The following ADAT1 variants were observed in gnomAD, a reference collection of about 807,000 sequenced individuals.
ADAT1 encodes tRNA-specific adenosine deaminase 1.
Under a neutral mutation model 58.6 loss-of-function variants are expected in ADAT1, and 58 were observed. The observed-to-expected ratio is 0.99, with a 90% CI of 0.80 to 1.23. The LOEUF (loss-of-function observed/expected upper bound fraction) is 1.23, where lower values mean the gene tolerates loss of function less well. Ranked by LOEUF, ADAT1 falls within the 50% of genes most tolerant of loss-of-function variation. ADAT1 has a pLI of 0.00. For synonymous variants in ADAT1, 254 were observed against 220.8 expected (o/e 1.15, Z -1.33); for missense variants, 741 against 608.6 (o/e 1.22, Z -2.29).
chr16:75,608,311 C>G lies in ADAT1; in HGVS notation c.1202G>C (p.Ser401Thr). ...ATCCAAAGGCTGCTCAGGAACTGCA[C>G]TCCAGCTGATGGCTATGAAAAGATA... Reference protein sequence around the residue: ...LVPCGAAISWSAVPEQPLDVT... With the variant: ...LVPCGAAISWTAVPEQPLDVT... The change falls in exon 8 of 10, where the codon AGT becomes ACT. Residue 401 changes from serine (S) to threonine (T), a missense_variant. Ser to Thr is a moderately conservative substitution (Grantham distance 58, BLOSUM62 1). Coordinates refer to ENST00000564657, the MANE Select transcript of ADAT1 (RefSeq NM_001324445.2). 6.2e-7 allele frequency: 1 copy of G among 1,613,870 alleles called. No individual in the cohort carries two copies.
In ADAT1 at chr16:75,599,592, TC is replaced by T. The variant is rs1389157082; in HGVS notation, c.*623del. The T allele has an allele frequency of 6.8e-5, 67 of 985,828 alleles. No individual in the cohort carries two copies. Among genetic ancestry groups the T allele is most frequent in the Non-Finnish European group, 8.1e-5 (67 of 830,014 alleles). The allele number at this position is 985,828 out of a possible 1,614,324, so 61.1% of individuals were successfully genotyped here. A position where few individuals can be genotyped will look rare whatever the true frequency, so the allele number is the denominator to read the frequency against. ...AGTAGGAAAAGATGGCCACCGGCAG[TC>T]CCATGATTATGTGACCCTTACAGCT... On this transcript the variant is annotated 3_prime_UTR_variant, in exon 10 of 10. Coordinates refer to ENST00000564657, the MANE Select transcript of ADAT1 (RefSeq NM_001324445.2).
At chr16:75,621,087 T>A (rs2081919081) in intron 1 of ADAT1, among the ~76,000 whole-genome samples, 1 of 151,722 alleles carries the variant, frequency 6.6e-6, no homozygotes, top group Non-Finnish European at 1.5e-5. Flanking sequence ...TTCTAAGGAG[T>A]CTGCATCCTC....
rs1372824275 is a variant in ADAT1, at chr16:75,603,167, G to C, written c.1294C>G (p.Gln432Glu). The change falls in exon 9 of 10, where the codon CAA becomes GAA. Residue 432 changes from glutamine to glutamate, a missense_variant. Gln to Glu is a conservative substitution (Grantham distance 29). Coordinates refer to ENST00000564657, the MANE Select transcript of ADAT1 (RefSeq NM_001324445.2). Reference protein sequence around the residue: ...KTIGSLQARSQISKVELFRSF... With the variant: ...KTIGSLQARSEISKVELFRSF... ...CTGAAGAGTTCCACTTTGCTGATTT[G>C]GGATCTGTTTGGAAAAAGAAGGCAA... The C allele has an allele frequency of 1.2e-5, 20 of 1,613,678 alleles. No homozygotes were observed. The highest frequency in any genetic ancestry group is 1.4e-5 in the Non-Finnish European group (17 of 1,179,776).
intron 6 of ADAT1, among the ~76,000 whole-genome samples, chr16:75,611,219 AAAG>A (rs2081522245): frequency 6.6e-6 from 1 of 152,172 alleles, no homozygotes; most frequent in Non-Finnish European, 1.5e-5. Context: ...TATTAAAAAC[AAAG>A]AAGAAAAAAA....
intron 6 of ADAT1, among the ~76,000 whole-genome samples, chr16:75,611,145 A>C (rs1468483047): frequency 6.6e-6 from 1 of 152,106 alleles, no homozygotes; most frequent in Non-Finnish European, 1.5e-5. Flanking sequence ...CCCCAAACTA[A>C]TGTTTAGGGT....
rs746952309 is a variant in ADAT1, at chr16:75,620,314, T to C, written c.190A>G (p.Met64Val). ...CCTATGCATTTTGTTCCTGTTCCCA[T>C]TGACACAACTTCCTTTGTCACTGTG... ...PVQVTKEVVS[M>V]GTGTKCIGQS... The change falls in exon 3 of 10, where the codon ATG becomes GTG. Residue 64 changes from methionine to valine, a missense_variant. Coordinates refer to ENST00000564657, the MANE Select transcript of ADAT1 (RefSeq NM_001324445.2). The C allele has an allele frequency of 5.9e-5, 96 of 1,614,064 alleles. No homozygotes were observed. Among genetic ancestry groups the C allele is most frequent in the Non-Finnish European group, 7.5e-5 (89 of 1,180,006 alleles).
chr16:75,620,540 AC>A (rs2081898101), intron 2 of ADAT1, 90 bp downstream of exon 2: 2 of 1,505,008 alleles, frequency 1.3e-6, no homozygotes, highest in African/African-American at 2.7e-5. Flanking sequence ...CGTAGTTCAC[AC>A]CCTACCCACG....
chr16:75,620,070 T>C (rs540125748), intron 3 of ADAT1, among the ~76,000 whole-genome samples, 196 bp downstream of exon 3: 2 of 152,234 alleles, frequency 1.3e-5, no homozygotes, highest in African/African-American at 4.8e-5. Flanking sequence ...TCGGAAAGCA[T>C]GTTCCTAGAG....
In ADAT1 at chr16:75,620,843, C is replaced by T; in HGVS notation, c.-21-23G>A. On this transcript the variant is annotated intron_variant, in intron 1 of 9. Coordinates refer to ENST00000564657, the MANE Select transcript of ADAT1 (RefSeq NM_001324445.2). The stretch of plus-strand genomic sequence containing the variant: ...GACCTTGATCAAAAACCACAACCAT[C>T]AGAAGTACGGAAAGGAGAACCAGTG... The T allele has an allele frequency of 1.9e-6, 3 of 1,584,916 alleles. No individual in the cohort carries two copies. The South Asian group carries it at 3.4e-5, about 18-fold the overall frequency.
Position 75,600,155 on chromosome 16 carries a change from C to A in ADAT1, c.*61G>T. 6.2e-7 allele frequency: 1 copy of A among 1,601,404 alleles called. No individual in the cohort carries two copies. The highest frequency in any genetic ancestry group is 1.1e-5 in the South Asian group (1 of 89,964). On this transcript the variant is annotated 3_prime_UTR_variant, in exon 10 of 10. Transcript: ENST00000564657. ...AACTACCAAAAAAGCTAAGACTTGT[C>A]CTGCGTGGAGGAAGGCAGTTCAGGA...
chr16:75,621,544 G>A (rs1018957892), intron 1 of ADAT1, among the ~76,000 whole-genome samples: 2 of 152,070 alleles, frequency 1.3e-5, no homozygotes, highest in Non-Finnish European at 2.9e-5. Context: ...ATAATACTTA[G>A]GGTTACTGTG....
intron 6 of ADAT1, among the ~76,000 whole-genome samples, chr16:75,610,587 G>A (rs1164076274): frequency 1.3e-5 from 2 of 152,154 alleles, no homozygotes; most frequent in East Asian, 3.9e-4. Context: ...ATGAGCTACT[G>A]TACTTGGCCT....
intron 2 of ADAT1, 72 bp from the exon 3 acceptor site, chr16:75,620,406 T>A (rs1402474726): frequency 6.5e-6 from 10 of 1,536,512 alleles, no homozygotes; most frequent in Non-Finnish European, 8.1e-6. Flanking sequence ...GTGATCAGCC[T>A]GCACACTCCT....
chr16:75,608,439 C>A, intron 7 of ADAT1, 116 bp from the exon 8 acceptor site: 1 of 860,330 alleles, frequency 1.2e-6, no homozygotes. Flanking sequence ...GATATGATGT[C>A]ACAGACAATG....
intron 5 of ADAT1, among the ~76,000 whole-genome samples, chr16:75,615,430 T>A (rs909472634): frequency 1.5e-5 from 2 of 134,566 alleles, no homozygotes; most frequent in African/African-American, 5.8e-5. Context: ...GAATAAAAAT[T>A]GTCTTGGGCC....
rs139457621 is a variant in ADAT1, at chr16:75,608,858, C to A, written c.1174G>T (p.Val392Phe). The A allele has an allele frequency of 4.6e-5, 74 of 1,613,816 alleles. No individual in the cohort carries two copies. In the African/African-American group the frequency reaches 8.8e-4, roughly 19 times the overall value. ...AKRADSPGRL[V>F]PCGAAISWSA... ...GATCTCTTACCTGCCCCACAAGGAACAAGTCGACCTGGGCTATCAGCCCTT... is the reference window on the plus strand; with the variant it reads ...GATCTCTTACCTGCCCCACAAGGAAAAAGTCGACCTGGGCTATCAGCCCTT... The change falls in exon 7 of 10, where the codon GTT (valine) becomes TTT (phenylalanine). Residue 392 changes from valine (V) to phenylalanine (F), a missense_variant. Coordinates refer to ENST00000564657, the MANE Select transcript of ADAT1 (RefSeq NM_001324445.2).
chr16:75,617,243 G>C lies in ADAT1; in HGVS notation c.323C>G (p.Ala108Gly). ...AAAGATGCTATCCTCTTTCAGGGTGGCTGCCAACTGGAGTTGGTGGAGAAG... is the reference window on the plus strand; with the variant it reads ...AAAGATGCTATCCTCTTTCAGGGTGCCTGCCAACTGGAGTTGGTGGAGAAG... The part of the protein sequence containing the change: ...RYLLHQLQLA[A>G]TLKEDSIFVP... The change falls in exon 5 of 10, where the codon GCC becomes GGC. Residue 108 changes from alanine (A) to glycine (G), a missense_variant. Transcript: ENST00000564657. The C allele has an allele frequency of 6.2e-7, 1 of 1,613,508 alleles. No individual in the cohort carries two copies. The highest frequency in any genetic ancestry group is 1.1e-5 in the South Asian group (1 of 91,046).
chr16:75,603,662 C>T (rs1023622507), intron 8 of ADAT1, among the ~76,000 whole-genome samples: 1 of 152,164 alleles, frequency 6.6e-6, no homozygotes, highest in Non-Finnish European at 1.5e-5. Context: ...TGCTCCTAAA[C>T]AACAAAATTC....
At chr16:75,617,617 G>A (rs1374428319) in intron 4 of ADAT1, among the ~76,000 whole-genome samples, 2 of 151,472 alleles carry the variant, frequency 1.3e-5, no homozygotes, top group African/African-American at 4.9e-5. Context: ...TTGGGTGACA[G>A]AGTGAGACTC....
Sources: gnomAD v4.1 joint callset for allele counts (sites outside exome capture counted in the v4.1 genomes callset) on GRCh38, gnomAD v4.1.1 for gene constraint, MANE v1.5 for transcripts, NCBI Gene and HGNC (gene_info 2026-07-23, HGNC 2026-07-21) for gene names.